MCM9: variants seen among roughly 807,000 people sequenced by gnomAD.
MCM9 encodes DNA helicase MCM9.
MCM9 carries 55 observed loss-of-function variants against 72.8 expected under a neutral mutation model. That is an observed-to-expected ratio of 0.76 (90% CI 0.61 to 0.95). The LOEUF (loss-of-function observed/expected upper bound fraction) is 0.95, where lower values mean the gene tolerates loss of function less well. MCM9 is among the 40% of genes least tolerant of loss of function. The pLI is 0.00. For missense variants in MCM9, 1,279 were observed against 1,377.0 expected (o/e 0.93, Z 1.13); for synonymous variants, 480 against 503.4 (o/e 0.95, Z 0.62).
intron 13 of MCM9, among the ~76,000 whole-genome samples, chr6:118,819,205 A>G (rs1773619605): frequency 6.6e-6 from 1 of 152,198 alleles, no homozygotes; most frequent in African/African-American, 2.4e-5. Context: ...GCCAGTTTTC[A>G]AGGGGAATGC....
At chr6:118,895,225 G>A (rs2114486571) in intron 8 of MCM9, among the ~76,000 whole-genome samples, 1 of 152,034 alleles carries the variant, frequency 6.6e-6, no homozygotes, top group Admixed American at 6.6e-5. Context: ...GGCGCTCCCC[G>A]GGGGCCGTGG....
intron 8 of MCM9, 167 bp downstream of exon 8, chr6:118,911,483 T>C (rs560269717): frequency 3.0e-5 from 40 of 1,319,408 alleles, no homozygotes; most frequent in East Asian, 5.7e-5. Flanking sequence ...TTGCAAGATA[T>C]TTTCTTAGAG....
At chr6:118,928,799 C>T (rs1782126542) in intron 3 of MCM9, among the ~76,000 whole-genome samples, 1 of 149,790 alleles carries the variant, frequency 6.7e-6, no homozygotes, top group Non-Finnish European at 1.5e-5. Flanking sequence ...CTGCAGTGAG[C>T]TATGATTGTT....
chr6:118,896,210 A>G (rs1321836), intron 8 of MCM9, among the ~76,000 whole-genome samples: 8,765 of 152,128 alleles, frequency 0.058, 358 homozygotes, highest in East Asian at 0.19. Flanking sequence ...CTATGATACT[A>G]CTATTAATAT....
At chr6:118,889,302 C>A (rs557840239) in intron 8 of MCM9, among the ~76,000 whole-genome samples, 3 of 152,270 alleles carry the variant, frequency 2.0e-5, no homozygotes, top group South Asian at 4.1e-4. Context: ...GCATATGAGG[C>A]CTCCAATCTC....
intron 13 of MCM9, among the ~76,000 whole-genome samples, chr6:118,819,813 A>T (rs1206740955): frequency 6.6e-6 from 1 of 152,142 alleles, no homozygotes; most frequent in Non-Finnish European, 1.5e-5. Flanking sequence ...TTATTGGTAT[A>T]TTCAGGGATT....
chr6:118,849,612 T>TA lies in MCM9; in HGVS notation c.1325+6758dup, dbSNP rs1294663143. Among the ~76,000 whole-genome samples, 16 of 151,770 alleles carry TA rather than the reference T, an allele frequency of 1.1e-4. 1 individual carries two copies. The highest frequency in any genetic ancestry group is 3.9e-4 in the African/African-American group (16 of 41,084). On this transcript the variant is annotated intron_variant, in intron 9 of 13. Transcript: ENST00000619706. ...ACAACATTCTCTGACCACAATGGGA[T>TA]AAAACTAGAAATTATTCACATCAAA...
intron 13 of MCM9, among the ~76,000 whole-genome samples, chr6:118,816,596 A>T (rs1017315690): frequency 6.6e-6 from 1 of 152,180 alleles, no homozygotes; most frequent in African/African-American, 2.4e-5. Flanking sequence ...TTCATTTAAG[A>T]TTGTTTGAAG....
intron 5 of MCM9, chr6:118,920,169 G>A (rs951209135): frequency 2.0e-5 from 3 of 152,208 alleles, no homozygotes; most frequent in Non-Finnish European, 4.4e-5. Flanking sequence ...CTGCATTGCT[G>A]AGACAGATAT....
intron 13 of MCM9, among the ~76,000 whole-genome samples, chr6:118,816,596 A>G (rs1017315690): frequency 1.3e-5 from 2 of 152,298 alleles, no homozygotes; most frequent in South Asian, 2.1e-4. Flanking sequence ...TTCATTTAAG[A>G]TTGTTTGAAG....
chr6:118,843,168 GC>G (rs1481857326), intron 9 of MCM9, among the ~76,000 whole-genome samples: 2 of 152,258 alleles, frequency 1.3e-5, no homozygotes, highest in East Asian at 3.9e-4. Flanking sequence ...ATTATGATAT[GC>G]CCTTGTAGGT....
chr6:118,854,573 C>A (rs1484590634), intron 9 of MCM9, among the ~76,000 whole-genome samples: 2 of 152,158 alleles, frequency 1.3e-5, no homozygotes, highest in Non-Finnish European at 2.9e-5. Context: ...GGCTGGTCTC[C>A]AATCCCCGAC....
chr6:118,882,579 T>A (rs1444084060), intron 8 of MCM9, among the ~76,000 whole-genome samples: 1 of 152,136 alleles, frequency 6.6e-6, no homozygotes, highest in Non-Finnish European at 1.5e-5. Context: ...CCCCAGGGCA[T>A]TGCCAAAAAG....
chr6:118,890,122 C>T (rs29001546), intron 8 of MCM9, among the ~76,000 whole-genome samples: 107,632 of 152,082 alleles, frequency 0.71, 39,410 homozygotes, highest in South Asian at 0.8. Flanking sequence ...GCTGGGTCTC[C>T]TTCTCTCTCC....
intron 8 of MCM9, among the ~76,000 whole-genome samples, chr6:118,893,066 T>TG (rs1435980855): frequency 3.2e-4 from 49 of 152,354 alleles, no homozygotes; most frequent in African/African-American, 1.1e-3. Flanking sequence ...AAAAAAATGA[T>TG]GGTTTATGGC....
chr6:118,906,973 T>A (rs1026492234), intron 8 of MCM9, among the ~76,000 whole-genome samples: 18 of 152,244 alleles, frequency 1.2e-4, no homozygotes, highest in African/African-American at 4.3e-4. Context: ...GAGCCATCTT[T>A]AAAAGGTGTA....
intron 9 of MCM9, among the ~76,000 whole-genome samples, chr6:118,841,013 G>T (rs1434639672): frequency 6.6e-6 from 1 of 152,180 alleles, no homozygotes; most frequent in Non-Finnish European, 1.5e-5. Flanking sequence ...CTCCCAAAAC[G>T]CTGGGATTAC....
chr6:118,843,450 G>A (rs1039585994), intron 9 of MCM9, among the ~76,000 whole-genome samples: 1 of 150,922 alleles, frequency 6.6e-6, no homozygotes, highest in African/African-American at 2.4e-5. Context: ...CCAACATGGC[G>A]AAACCCTGTC....
intron 8 of MCM9, among the ~76,000 whole-genome samples, chr6:118,862,657 C>G (rs371694595): frequency 3.3e-5 from 5 of 152,056 alleles, no homozygotes; most frequent in African/African-American, 1.2e-4. Flanking sequence ...GGTGGTAATG[C>G]GAGCAATGGG....
Sources: allele counts gnomAD v4.1 joint callset (sites outside exome capture counted in the v4.1 genomes callset), GRCh38; gene constraint gnomAD v4.1.1; transcripts MANE v1.5; gene names NCBI Gene and HGNC (gene_info 2026-07-23, HGNC 2026-07-21).